The following GLIS3 variants were observed in gnomAD, a reference collection of about 807,000 sequenced individuals.
The protein encoded by GLIS3 is zinc finger protein GLIS3.
Under a neutral mutation model 78.6 loss-of-function variants are expected in GLIS3, and 53 were observed. That is an observed-to-expected ratio of 0.67 (90% CI 0.54 to 0.85). GLIS3 has a LOEUF of 0.85. Ranked by LOEUF, GLIS3 falls within the 40% of genes least tolerant of loss-of-function variation. The pLI, the probability that GLIS3 is intolerant of heterozygous loss-of-function variation, is 0.00. For missense variants in GLIS3, 1,703 were observed against 1,231.1 expected, an observed-to-expected ratio of 1.38 and a Z score of -5.74; for synonymous variants, 684 against 509.9, an observed-to-expected ratio of 1.34 and a Z score of -4.60.
At chr9:4,472,573 C>T in the GLIS3 span, among the ~76,000 whole-genome samples, 1 of 135,802 alleles carries the variant, frequency 7.4e-6, no homozygotes, top group Non-Finnish European at 1.5e-5. Context: ...CACTTGGACA[C>T]AGGGTGGGGA....
chr9:3,840,755 G>T (rs1328331444), intron 9 of GLIS3, among the ~76,000 whole-genome samples: 1 of 152,170 alleles, frequency 6.6e-6, no homozygotes, highest in African/African-American at 2.4e-5. Context: ...AGTCCACGTG[G>T]TTCCAAGAAG....
At chr9:4,049,628 C>A (rs141526047) in intron 4 of GLIS3, among the ~76,000 whole-genome samples, 2 of 152,258 alleles carry the variant, frequency 1.3e-5, no homozygotes, top group Non-Finnish European at 2.9e-5. Context: ...GCATAAGAAT[C>A]TTCGGAGGAA....
chr9:4,211,368 G>C (rs1820356405), intron 2 of GLIS3, among the ~76,000 whole-genome samples: 1 of 152,212 alleles, frequency 6.6e-6, no homozygotes, highest in Non-Finnish European at 1.5e-5. Flanking sequence ...TCACTGAAAA[G>C]GTCCCAAATT....
At chr9:4,137,003 G>A (rs476705) in intron 2 of GLIS3, among the ~76,000 whole-genome samples, 115,907 of 152,116 alleles carry the variant, frequency 0.76, 44,481 homozygotes, top group African/African-American at 0.85. Flanking sequence ...ATCCCATTAG[G>A]AGCAGAGTTC....
chr9:4,108,168 A>G (rs1830922831), intron 4 of GLIS3, among the ~76,000 whole-genome samples: 1 of 152,212 alleles, frequency 6.6e-6, no homozygotes, highest in African/African-American at 2.4e-5. Context: ...TAACATAGTC[A>G]CTTTCTTTCA....
chr9:4,205,544 A>G (rs893681079), intron 2 of GLIS3, among the ~76,000 whole-genome samples: 6 of 152,196 alleles, frequency 3.9e-5, no homozygotes, highest in Non-Finnish European at 7.3e-5. Context: ...GCCTAGTGCT[A>G]TAAGAGAGGA....
intron 4 of GLIS3, among the ~76,000 whole-genome samples, chr9:3,996,491 CTT>C (rs549706564): frequency 1.5e-3 from 224 of 152,170 alleles, no homozygotes; most frequent in African/African-American, 5.2e-3. Flanking sequence ...TACTGATTAA[CTT>C]TACTTTCTGT....
chr9:4,303,323 A>C (rs549288441), upstream of GLIS3, among the ~76,000 whole-genome samples: 14 of 152,234 alleles, frequency 9.2e-5, no homozygotes, highest in South Asian at 2.5e-3. Flanking sequence ...GTAGAAATGC[A>C]GTGGAAAAAG....
chr9:3,857,677 G>A (rs1819879231), intron 8 of GLIS3, among the ~76,000 whole-genome samples: 1 of 152,172 alleles, frequency 6.6e-6, no homozygotes, highest in African/African-American at 2.4e-5. Context: ...TCTTCATTCT[G>A]CTGAAAGAGA....
the GLIS3 span, among the ~76,000 whole-genome samples, chr9:4,465,332 G>C: frequency 6.6e-6 from 1 of 152,258 alleles, no homozygotes; most frequent in African/African-American, 2.4e-5. Flanking sequence ...GGGATCACCA[G>C]AGGTCGGGAG....
chr9:4,251,646 A>G (rs1057330925), intron 2 of GLIS3, among the ~76,000 whole-genome samples: 15 of 152,130 alleles, frequency 9.9e-5, no homozygotes, highest in African/African-American at 3.6e-4. Context: ...TAATCCTGTC[A>G]TTATGATGCT....
chr9:4,390,529 T>C, the GLIS3 span, among the ~76,000 whole-genome samples: 610 of 152,306 alleles, frequency 4.0e-3, 2 homozygotes, highest in Non-Finnish European at 7.2e-3. Flanking sequence ...TCATGCCCAG[T>C]GGTACTTGAT....
chr9:4,344,937 G>C (rs924658297), intron 2 of GLIS3, among the ~76,000 whole-genome samples: 7 of 152,094 alleles, frequency 4.6e-5, no homozygotes, highest in African/African-American at 1.7e-4. Context: ...CTTCACCACT[G>C]CACTCCATTC....
the GLIS3 span, among the ~76,000 whole-genome samples, chr9:4,355,041 T>C: frequency 1.3e-5 from 2 of 151,036 alleles, no homozygotes; most frequent in Non-Finnish European, 3.0e-5. Context: ...GCTTGAACCC[T>C]GGAGGCTTGA....
At chr9:4,197,825 A>G (rs895538013) in intron 2 of GLIS3, among the ~76,000 whole-genome samples, 3 of 152,202 alleles carry the variant, frequency 2.0e-5, no homozygotes, top group Admixed American at 6.5e-5. Context: ...TGCACAGCCC[A>G]ATATAAAACC....
chr9:3,945,026 G>A (rs957757625), intron 4 of GLIS3, among the ~76,000 whole-genome samples: 4 of 152,206 alleles, frequency 2.6e-5, no homozygotes, highest in African/African-American at 9.6e-5. Flanking sequence ...GCTCACTCCT[G>A]TGACAATTAG....
At chr9:4,070,758 A>T (rs1266033965) in intron 4 of GLIS3, 1 of 152,226 alleles carries the variant, frequency 6.6e-6, no homozygotes, top group African/African-American at 2.4e-5. Context: ...TTAAATAATT[A>T]TGCAATCAAC....
At chr9:4,033,610 C>A (rs983028791) in intron 4 of GLIS3, among the ~76,000 whole-genome samples, 1 of 152,028 alleles carries the variant, frequency 6.6e-6, no homozygotes, top group African/African-American at 2.4e-5. Context: ...TGGGAGCTTG[C>A]TAGAAATGGA....
At position 4,286,143 on chromosome 9, in the gene GLIS3, TC is replaced by T. The variant is rs1265521821; in HGVS notation, c.282del (p.Lys95SerfsTer18). On this transcript the variant is annotated frameshift_variant, in exon 2 of 11. Transcript: ENST00000381971. LOFTEE classifies it high-confidence loss of function. The part of the protein sequence containing the change: ...LSPRRQMLTN[G>X]KPRFQVTQAG... ...GCCTGGGTGACCTGGAATCGCGGCT[TC>T]CCATTGGTGAGCATTTGTCTCCTGG... 6.2e-7 allele frequency: 1 copy of T among 1,613,998 alleles called. No individual in the cohort carries two copies. The highest frequency in any genetic ancestry group is 2.2e-5 in the East Asian group (1 of 44,876).
Sources: gnomAD v4.1 joint callset for allele counts (sites outside exome capture counted in the v4.1 genomes callset) on GRCh38, gnomAD v4.1.1 for gene constraint, MANE v1.5 for transcripts, NCBI Gene and HGNC (gene_info 2026-07-23, HGNC 2026-07-21) for gene names.